The following FAM149B1 variants were observed in gnomAD, a reference collection of about 807,000 sequenced individuals.
FAM149B1 encodes family with sequence similarity 149 member B1, also known as primary cilium assembly protein FAM149B1.
A neutral mutation model predicts 75.3 loss-of-function variants in FAM149B1; 56 were observed. That is an observed-to-expected ratio of 0.74 (90% CI 0.60 to 0.93). The LOEUF is 0.93. FAM149B1 is among the 40% of genes least tolerant of loss of function. The pLI, the probability that FAM149B1 is intolerant of heterozygous loss-of-function variation, is 0.00. For synonymous variants in FAM149B1, 259 were observed against 256.1 expected, an observed-to-expected ratio of 1.01 and a Z score of -0.11; for missense variants, 639 against 708.4, an observed-to-expected ratio of 0.90 and a Z score of 1.11.
chr10:73,197,785 C>T (rs555837395), intron 5 of FAM149B1, among the ~76,000 whole-genome samples: 2 of 151,700 alleles, frequency 1.3e-5, no homozygotes, highest in South Asian at 4.2e-4. Context: ...AAAGAAATTC[C>T]AGGAATTTAA....
At chr10:73,170,281 T>C (rs963681476) in intron 1 of FAM149B1, among the ~76,000 whole-genome samples, 2 of 152,050 alleles carry the variant, frequency 1.3e-5, no homozygotes, top group Non-Finnish European at 2.9e-5. Flanking sequence ...AGGTGGGCGA[T>C]TGCCTGAGCT....
At chr10:73,183,277 G>A (rs2042444001) in intron 3 of FAM149B1, 1 of 152,334 alleles carries the variant, frequency 6.6e-6, no homozygotes, top group East Asian at 1.9e-4. Context: ...GTGTGTGTCT[G>A]AAATGTGTCT....
chr10:73,236,725 CTTTT>C (rs112151486), intron 12 of FAM149B1, among the ~76,000 whole-genome samples: 3 of 135,770 alleles, frequency 2.2e-5, no homozygotes, highest in Admixed American at 7.5e-5. Flanking sequence ...TTTTTCTTTT[CTTTT>C]TTTTTTTTTT....
At chr10:73,240,441 G>A (rs528198779) in intron 13 of FAM149B1, among the ~76,000 whole-genome samples, 6 of 152,024 alleles carry the variant, frequency 3.9e-5, no homozygotes, top group Non-Finnish European at 7.4e-5. Flanking sequence ...GGCTGGGCGT[G>A]GTGGCTCATG....
At chr10:73,196,182 T>TATGTTAAA (rs2042800135) in intron 5 of FAM149B1, among the ~76,000 whole-genome samples, 3 of 152,192 alleles carry the variant, frequency 2.0e-5, no homozygotes, top group African/African-American at 7.2e-5. Context: ...ACATATGGAA[T>TATGTTAAA]CAGCTGAACT....
intron 2 of FAM149B1, among the ~76,000 whole-genome samples, chr10:73,177,331 T>C (rs1016660235): frequency 2.0e-5 from 3 of 151,952 alleles, no homozygotes; most frequent in South Asian, 2.1e-4. Context: ...TCCTAGCACT[T>C]TGGGAGGCTG....
At chr10:73,213,163 C>A (rs2043225092) in intron 7 of FAM149B1, among the ~76,000 whole-genome samples, 1 of 152,066 alleles carries the variant, frequency 6.6e-6, no homozygotes, top group Non-Finnish European at 1.5e-5. Flanking sequence ...TATTCTTTTT[C>A]CCCTTTTAAA....
At chr10:73,172,712 G>A (rs1434515650) in intron 1 of FAM149B1, among the ~76,000 whole-genome samples, 4 of 152,192 alleles carry the variant, frequency 2.6e-5, no homozygotes, top group East Asian at 1.9e-4. Flanking sequence ...GCTTAATCCA[G>A]TGCATACATT....
intron 1 of FAM149B1, among the ~76,000 whole-genome samples, chr10:73,170,775 G>A (rs939809031): frequency 3.9e-5 from 6 of 152,096 alleles, no homozygotes; most frequent in African/African-American, 1.4e-4. Context: ...GATTTGGGAT[G>A]TGTTGTTCCT....
intron 13 of FAM149B1, among the ~76,000 whole-genome samples, chr10:73,240,339 T>C (rs988949930): frequency 1.3e-5 from 2 of 152,226 alleles, no homozygotes; most frequent in African/African-American, 4.8e-5. Context: ...CCCGCAGCAT[T>C]GTCTGGTAGT....
intron 7 of FAM149B1, among the ~76,000 whole-genome samples, chr10:73,220,795 G>A (rs566126789): frequency 8.5e-5 from 13 of 152,262 alleles, no homozygotes; most frequent in South Asian, 4.1e-4. Flanking sequence ...GGTGGCCACC[G>A]GAAAGCCAGG....
chr10:73,197,038 CTG>C (rs1365939678), intron 5 of FAM149B1, among the ~76,000 whole-genome samples: 1 of 152,124 alleles, frequency 6.6e-6, no homozygotes, highest in Non-Finnish European at 1.5e-5. Flanking sequence ...GGGTCTTACT[CTG>C]TTGTACAGGC....
At position 73,210,523 on chromosome 10, in the gene FAM149B1, A is replaced by C. The variant is rs943711753; in HGVS notation, c.898+85A>C. 4.0e-6 allele frequency: 4 copies of C among 994,936 alleles called. No individual in the cohort carries two copies. In the Admixed American group the frequency reaches 1.0e-4, roughly 25 times the overall value. 61.6% of individuals were successfully genotyped at this position (994,936 alleles called of 1,614,324 possible). A position where few individuals can be genotyped will look rare whatever the true frequency, so the allele number is the denominator to read the frequency against. On this transcript the variant is annotated intron_variant, in intron 7 of 13. Coordinates refer to ENST00000242505, the MANE Select transcript of FAM149B1 (RefSeq NM_173348.2). Reference sequence around the variant, plus strand: ...CAGTCTATTAGATGATATGCTTCTTAGTGCAAAAGGTGCGTATGGGCCAGG... The same window carrying C: ...CAGTCTATTAGATGATATGCTTCTTCGTGCAAAAGGTGCGTATGGGCCAGG...
intron 7 of FAM149B1, among the ~76,000 whole-genome samples, chr10:73,213,232 C>A (rs2043227481): frequency 6.6e-6 from 1 of 152,136 alleles, no homozygotes; most frequent in African/African-American, 2.4e-5. Flanking sequence ...GGATATTAGT[C>A]CTTTGTCAGA....
chr10:73,243,732 A>G lies in FAM149B1; in HGVS notation c.*2713A>G, dbSNP rs2133425532. On this transcript the variant is annotated 3_prime_UTR_variant, in exon 14 of 14. Coordinates refer to ENST00000242505, the MANE Select transcript of FAM149B1 (RefSeq NM_173348.2). Reference sequence around the variant, plus strand: ...TTGTACACTTTAAAAGGACAAATAGAAGGTATGCGGTTATGTCTTAAAAGA... The same window carrying G: ...TTGTACACTTTAAAAGGACAAATAGGAGGTATGCGGTTATGTCTTAAAAGA... The G allele has an allele frequency of 8.8e-7, 1 of 1,135,296 alleles. No homozygotes were observed. The highest frequency in any genetic ancestry group is 1.6e-5 in the African/African-American group (1 of 64,024). 70.3% of individuals were successfully genotyped at this position (1,135,296 alleles called of 1,614,324 possible). A position where few individuals can be genotyped will look rare whatever the true frequency, so the allele number is the denominator to read the frequency against.
chr10:73,186,546 G>A (rs2042525596), intron 3 of FAM149B1, among the ~76,000 whole-genome samples: 2 of 152,124 alleles, frequency 1.3e-5, no homozygotes, highest in Non-Finnish European at 2.9e-5. Context: ...TTTATTCACA[G>A]ATACCATGAT....
At chr10:73,192,267 G>A (rs1200001430) in intron 3 of FAM149B1, 2 of 120,912 alleles carry the variant, frequency 1.7e-5, no homozygotes, top group Non-Finnish European at 3.0e-5. Flanking sequence ...AGGAAACAAA[G>A]AAATCCATAA....
intron 12 of FAM149B1, 25 bp from the exon 13 acceptor site, chr10:73,239,287 A>G (rs760805256): frequency 2.1e-5 from 32 of 1,539,202 alleles, no homozygotes; most frequent in African/African-American, 2.7e-5. Flanking sequence ...GCATCATAAG[A>G]AGTGTCTCCT....
chr10:73,244,194 G>C lies in FAM149B1; in HGVS notation c.*3175G>C. On this transcript the variant is annotated 3_prime_UTR_variant, in exon 14 of 14. Transcript: ENST00000242505. Reference sequence around the variant, plus strand: ...GTACTCTGGCACTCATAAATCACATGATGATAAAAAGGAACATGAGGCCGG... The same window carrying C: ...GTACTCTGGCACTCATAAATCACATCATGATAAAAAGGAACATGAGGCCGG... 2.4e-6 allele frequency: 1 copy of C among 425,070 alleles called. No individual in the cohort carries two copies. The highest frequency in any genetic ancestry group is 4.2e-6 in the Non-Finnish European group (1 of 238,652). The allele number at this position is 425,070 out of a possible 1,614,324, so 26.3% of individuals were successfully genotyped here. A position where few individuals can be genotyped will look rare whatever the true frequency, so the allele number is the denominator to read the frequency against.
Sources: allele counts gnomAD v4.1 joint callset (sites outside exome capture counted in the v4.1 genomes callset), GRCh38; gene constraint gnomAD v4.1.1; transcripts MANE v1.5; gene names NCBI Gene and HGNC (gene_info 2026-07-23, HGNC 2026-07-21).